PPWD1: variants seen among roughly 807,000 people sequenced by gnomAD.
PPWD1 encodes the protein peptidylprolyl isomerase domain and WD repeat containing 1, also known as peptidylprolyl isomerase domain and WD repeat-containing protein 1.
A neutral mutation model predicts 68.8 loss-of-function variants in PPWD1; 43 were observed. The ratio of observed to expected loss-of-function variants is 0.62; its 90% CI spans 0.49 to 0.81. PPWD1 has a LOEUF of 0.81. Among genes scored for constraint, PPWD1 ranks in the 30% least tolerant of loss-of-function variants. PPWD1 has a pLI of 0.00. For missense variants in PPWD1, 672 were observed against 804.8 expected, an observed-to-expected ratio of 0.83 and a Z score of 2.00; for synonymous variants, 232 against 258.7, an observed-to-expected ratio of 0.90 and a Z score of 0.99.
intron 1 of PPWD1, chr5:65,563,907 TGGGGCGCGAGA>T: frequency 2.2e-6 from 3 of 1,391,824 alleles, no homozygotes; most frequent in Non-Finnish European, 2.9e-6. Context: ...ATTAATGTGT[TGGGGCGCGAGA>T]GGAAGGCGGT....
At chr5:65,564,943 T>G (rs1017583111) in intron 1 of PPWD1, among the ~76,000 whole-genome samples, 2 of 152,208 alleles carry the variant, frequency 1.3e-5, no homozygotes, top group African/African-American at 4.8e-5. Context: ...TCTGAAGCAC[T>G]TTGATCATAA....
chr5:65,572,700 G>C (rs558636201), intron 5 of PPWD1, among the ~76,000 whole-genome samples: 42 of 152,034 alleles, frequency 2.8e-4, no homozygotes, highest in African/African-American at 8.2e-4. Context: ...CTTCATAAAT[G>C]GTGCCAGTAT....
Position 65,569,679 on chromosome 5 carries a change from G to T in PPWD1, c.347G>T (p.Trp116Leu). The T allele has an allele frequency of 6.2e-7, 1 of 1,608,136 alleles. No individual in the cohort carries two copies. The highest frequency in any genetic ancestry group is 8.5e-7 in the Non-Finnish European group (1 of 1,176,176). ...AGTCATGATGGACATGTCAAGTTCT[G>T]GAAAAAAATAGAAGAGGGAATTGAA... is the stretch of plus-strand genomic sequence containing the variant. ...TASHDGHVKF[W>L]KKIEEGIEFV... The change falls in exon 3 of 11, where the codon TGG becomes TTG. Residue 116 changes from tryptophan (W) to leucine (L), a missense_variant. Trp to Leu is a moderately conservative substitution (Grantham distance 61). Transcript: ENST00000261308.
chr5:65,570,458 C>G, intron 4 of PPWD1: 4 of 442,054 alleles, frequency 9.0e-6, no homozygotes, highest in Non-Finnish European at 1.2e-5. Flanking sequence ...AAGACTGATA[C>G]TTTGTTTTAA....
chr5:65,578,045 C>T (rs1561728775), intron 6 of PPWD1, among the ~76,000 whole-genome samples: 2 of 152,246 alleles, frequency 1.3e-5, no homozygotes, highest in Non-Finnish European at 2.9e-5. Context: ...CTGATCTTTT[C>T]ACCATCTCCA....
At chr5:65,570,021 A>G (rs3752674) in intron 4 of PPWD1, 23 bp downstream of exon 4, 46,323 of 1,581,656 alleles carry the variant, frequency 0.029, 1,359 homozygotes, top group African/African-American at 0.1. Context: ...AAAAGTATAT[A>G]TATTTTAACT....
In PPWD1 at chr5:65,569,863, C is replaced by T. The variant is rs762383588; in HGVS notation, c.401-15C>T. On this transcript the variant is annotated splice_polypyrimidine_tract_variant and intron_variant, in intron 3 of 10. Coordinates refer to ENST00000261308, the MANE Select transcript of PPWD1 (RefSeq NM_015342.4). Reference sequence around the variant, plus strand: ...GTTATTTACTAGAATGTTTTAATTTCATTTATTGAAATAGGAGTTATTGAG... The same window carrying T: ...GTTATTTACTAGAATGTTTTAATTTTATTTATTGAAATAGGAGTTATTGAG... The T allele has an allele frequency of 1.5e-5, 24 of 1,583,468 alleles. No individual in the cohort carries two copies. Among genetic ancestry groups the T allele is most frequent in the Non-Finnish European group, 2.0e-5 (23 of 1,159,146 alleles).
rs191998353 is a variant in PPWD1 at position 65,581,239 on chromosome 5, T to C, written c.1350+1626T>C. 5.8e-3 allele frequency among the ~76,000 whole-genome samples: 882 copies of C among 152,274 alleles called. 1 individual carries two copies. Among genetic ancestry groups the C allele is most frequent in the Middle Eastern group, 0.02 (6 of 294 alleles). On this transcript the variant is annotated intron_variant, in intron 7 of 10. Coordinates refer to ENST00000261308, the MANE Select transcript of PPWD1 (RefSeq NM_015342.4). ...TTTATTAGTATATGAAGGAAAAAAATTAATCGTTTTACCTTTAATTTAACT... is the reference window on the plus strand; with the variant it reads ...TTTATTAGTATATGAAGGAAAAAAACTAATCGTTTTACCTTTAATTTAACT...
chr5:65,574,806 C>T (rs1257160557), intron 5 of PPWD1, among the ~76,000 whole-genome samples: 1 of 152,264 alleles, frequency 6.6e-6, no homozygotes, highest in Admixed American at 6.5e-5. Context: ...GCTCAATCCA[C>T]TCTATTTGCT....
At chr5:65,576,798 T>C in intron 5 of PPWD1, 81 bp from the exon 6 acceptor site, 2 of 1,487,338 alleles carry the variant, frequency 1.3e-6, no homozygotes, top group Non-Finnish European at 1.8e-6. Flanking sequence ...TAAATTCTCA[T>C]TGCATATATA....
At chr5:65,575,548 T>A (rs1753242778) in intron 5 of PPWD1, among the ~76,000 whole-genome samples, 1 of 152,176 alleles carries the variant, frequency 6.6e-6, no homozygotes, top group East Asian at 1.9e-4. Flanking sequence ...GAAATAAGGA[T>A]AGAATTAGAT....
intron 9 of PPWD1, 124 bp from the exon 10 acceptor site, chr5:65,585,875 C>A: frequency 7.1e-7 from 1 of 1,410,788 alleles, no homozygotes; most frequent in Non-Finnish European, 9.4e-7. Flanking sequence ...AGGGTTTAAT[C>A]AAATCACTTT....
intron 10 of PPWD1, 46 bp downstream of exon 10, chr5:65,586,227 G>A (rs373069024): frequency 3.9e-5 from 61 of 1,549,864 alleles, no homozygotes; most frequent in Non-Finnish European, 5.2e-5. Flanking sequence ...GATAGGTTAT[G>A]ATGTAAGAGA....
intron 1 of PPWD1, among the ~76,000 whole-genome samples, chr5:65,566,993 C>G (rs1752806176): frequency 6.6e-6 from 1 of 152,008 alleles, no homozygotes; most frequent in Admixed American, 6.6e-5. Flanking sequence ...GCATAAAAAT[C>G]TAAGAATTTT....
At chr5:65,570,489 C>A in intron 4 of PPWD1, 1 of 316,206 alleles carries the variant, frequency 3.2e-6, no homozygotes, top group Non-Finnish European at 4.6e-6. Flanking sequence ...TTTAAGATAA[C>A]ATAGAATTTA....
chr5:65,564,614 C>A (rs1459734782), intron 1 of PPWD1, among the ~76,000 whole-genome samples: 1 of 152,114 alleles, frequency 6.6e-6, no homozygotes, highest in South Asian at 2.1e-4. Context: ...GCCACGGCGC[C>A]CAGCTCATTA....
Position 65,574,307 on chromosome 5 carries a change from G to A in PPWD1, c.969+2021G>A, listed in dbSNP as rs563535043. On this transcript the variant is annotated intron_variant, in intron 5 of 10. Transcript: ENST00000261308. ...CTGCTTTTAAGGAGAAACATTTATCGGTAATACTTTCTTTAATGGTGGCAG... is the reference window on the plus strand; with the variant it reads ...CTGCTTTTAAGGAGAAACATTTATCAGTAATACTTTCTTTAATGGTGGCAG... 5.0e-4 allele frequency among the ~76,000 whole-genome samples: 76 copies of A among 152,180 alleles called. 1 individual carries two copies. The highest frequency in any genetic ancestry group is 3.1e-3 in the Admixed American group (47 of 15,282).
intron 5 of PPWD1, among the ~76,000 whole-genome samples, chr5:65,574,317 TC>T (rs1242710618): frequency 1.3e-5 from 2 of 152,236 alleles, no homozygotes; most frequent in East Asian, 3.8e-4. Context: ...GGTAATACTT[TC>T]TTTAATGGTG....
intron 7 of PPWD1, among the ~76,000 whole-genome samples, chr5:65,581,744 T>C (rs962253181): frequency 2.6e-5 from 4 of 152,176 alleles, no homozygotes; most frequent in Non-Finnish European, 5.9e-5. Flanking sequence ...TTTGAAAAAA[T>C]AGAGAAACAA....
Sources: gnomAD v4.1 joint callset for allele counts (sites outside exome capture counted in the v4.1 genomes callset) on GRCh38, gnomAD v4.1.1 for gene constraint, MANE v1.5 for transcripts, NCBI Gene and HGNC (gene_info 2026-07-23, HGNC 2026-07-21) for gene names.